ARNT2: variants seen among roughly 807,000 people sequenced by gnomAD.
The protein encoded by ARNT2 is aryl hydrocarbon receptor nuclear translocator 2, also known as ARNT protein 2.
In ARNT2, 36 loss-of-function variants were observed where a neutral mutation model predicts 91.7. The observed-to-expected ratio is 0.39, with a 90% CI of 0.30 to 0.52. ARNT2 has a LOEUF of 0.52. Ranked by LOEUF, ARNT2 falls within the 20% of genes least tolerant of loss-of-function variation. The probability of loss-of-function intolerance (pLI) is 0.72; values close to 1 mark genes in which losing one functional copy is unlikely to be tolerated. For missense variants in ARNT2, 775 were observed against 939.3 expected (o/e 0.83, Z 2.29); for synonymous variants, 365 against 347.1 (o/e 1.05, Z -0.57).
At chr15:80,407,319 T>C (rs370009044) in intron 1 of ARNT2, among the ~76,000 whole-genome samples, 5 of 152,344 alleles carry the variant, frequency 3.3e-5, no homozygotes, top group African/African-American at 1.2e-4. Flanking sequence ...GGGGATTCTC[T>C]AGGGTCTTGT....
At chr15:80,573,751 A>T (rs1410627316) in intron 12 of ARNT2, among the ~76,000 whole-genome samples, 1 of 152,218 alleles carries the variant, frequency 6.6e-6, no homozygotes, top group Non-Finnish European at 1.5e-5. Context: ...CCACTGTGAA[A>T]GCATAGTGTG....
At chr15:80,490,492 C>G (rs1897039881) in intron 5 of ARNT2, among the ~76,000 whole-genome samples, 1 of 152,258 alleles carries the variant, frequency 6.6e-6, no homozygotes, top group Admixed American at 6.5e-5. Flanking sequence ...GCAGTGTCTA[C>G]TGAAGCCCAC....
At chr15:80,548,998 A>G (rs1400314769) in intron 8 of ARNT2, among the ~76,000 whole-genome samples, 2 of 152,182 alleles carry the variant, frequency 1.3e-5, no homozygotes, top group African/African-American at 4.8e-5. Context: ...AAAACATACA[A>G]TAAAGCCTCT....
At chr15:80,440,205 C>A (rs542779743) in intron 1 of ARNT2, among the ~76,000 whole-genome samples, 1 of 152,148 alleles carries the variant, frequency 6.6e-6, no homozygotes, top group Non-Finnish European at 1.5e-5. Flanking sequence ...TGATGGTCTG[C>A]GGCTTCTAGG....
intron 3 of ARNT2, among the ~76,000 whole-genome samples, chr15:80,468,744 A>G (rs1271348296): frequency 2.0e-5 from 3 of 152,182 alleles, no homozygotes; most frequent in East Asian, 1.9e-4. Flanking sequence ...TGTATGTTTT[A>G]TATTCATAGT....
intron 12 of ARNT2, among the ~76,000 whole-genome samples, chr15:80,564,367 C>A (rs550051514): frequency 4.1e-4 from 62 of 152,242 alleles, no homozygotes; most frequent in African/African-American, 1.5e-3. Flanking sequence ...GTCTCTGAGC[C>A]CCTTGGATTT....
intron 1 of ARNT2, among the ~76,000 whole-genome samples, chr15:80,433,591 A>T (rs1595959950): frequency 6.6e-6 from 1 of 152,030 alleles, no homozygotes; most frequent in African/African-American, 2.4e-5. Context: ...GAGCCACCAC[A>T]CCCAGCCTAG....
chr15:80,587,467 T>C lies in ARNT2; in HGVS notation c.1919-4101T>C, dbSNP rs77059231. On this transcript the variant is annotated intron_variant, in intron 17 of 18. Coordinates refer to ENST00000303329, the MANE Select transcript of ARNT2 (RefSeq NM_014862.4). ...AACCACTGAGCTAAACCCAACTACATAGGACTTCCAAGCAGGACTTCAAGT... is the reference window on the plus strand; with the variant it reads ...AACCACTGAGCTAAACCCAACTACACAGGACTTCCAAGCAGGACTTCAAGT... Among the ~76,000 whole-genome samples the C allele has an allele frequency of 2.5e-3, 377 of 152,172 alleles. 3 individuals are homozygous for C. The highest frequency in any genetic ancestry group is 3.8e-3 in the Non-Finnish European group (258 of 68,012).
At chr15:80,516,347 C>T (rs1897434588) in intron 8 of ARNT2, among the ~76,000 whole-genome samples, 2 of 151,988 alleles carry the variant, frequency 1.3e-5, no homozygotes, top group East Asian at 1.9e-4. Context: ...TCTTTTTTTG[C>T]GTCACGTATT....
chr15:80,541,758 G>A (rs1186488710), intron 8 of ARNT2, among the ~76,000 whole-genome samples: 10 of 152,200 alleles, frequency 6.6e-5, no homozygotes, highest in South Asian at 2.1e-4. Flanking sequence ...AAAGACATCC[G>A]ATATCCAGAT....
chr15:80,443,407 C>T (rs760575414), intron 1 of ARNT2, among the ~76,000 whole-genome samples: 109 of 152,052 alleles, frequency 7.2e-4, no homozygotes, highest in Non-Finnish European at 1.3e-3. Context: ...ATGTGGCTTC[C>T]GAGTGTGGAA....
At chr15:80,451,756 A>G (rs1896396136) in intron 2 of ARNT2, among the ~76,000 whole-genome samples, 1 of 151,950 alleles carries the variant, frequency 6.6e-6, no homozygotes, top group African/African-American at 2.4e-5. Flanking sequence ...CAACCAACCA[A>G]CTACCCCCCA....
intron 8 of ARNT2, among the ~76,000 whole-genome samples, chr15:80,539,892 T>C (rs1286933536): frequency 6.6e-6 from 1 of 151,644 alleles, no homozygotes; most frequent in Non-Finnish European, 1.5e-5. Flanking sequence ...TAATAATAAA[T>C]GTTGGCAAGG....
chr15:80,507,396 T>C (rs74031304), intron 5 of ARNT2, among the ~76,000 whole-genome samples: 2,643 of 152,174 alleles, frequency 0.017, 81 homozygotes, highest in African/African-American at 0.06. Flanking sequence ...TCGGGGATAA[T>C]GTCTGGTTTC....
intron 1 of ARNT2, among the ~76,000 whole-genome samples, chr15:80,447,331 T>C (rs966677477): frequency 6.6e-6 from 1 of 152,188 alleles, no homozygotes; most frequent in Non-Finnish European, 1.5e-5. Flanking sequence ...TACTCATGAA[T>C]ACCCACAGCT....
intron 17 of ARNT2, among the ~76,000 whole-genome samples, chr15:80,588,323 C>G (rs73494773): frequency 0.042 from 6,362 of 152,152 alleles, 430 homozygotes; most frequent in African/African-American, 0.15. Context: ...TGTTTTGAGC[C>G]ACTGTCGTCT....
rs149218664 is a variant in ARNT2, at chr15:80,579,665, C to T, written c.1614-746C>T. ...CTGAAACAAAGTAAAAGTCTGCCCC[C>T]AGCCTTTTAGTCTTTGATGAGCTTC... On this transcript the variant is annotated intron_variant, in intron 15 of 18. Transcript: ENST00000303329. Among the ~76,000 whole-genome samples, 768 of 152,282 alleles carry T rather than the reference C, an allele frequency of 5.0e-3. 9 individuals carry two copies. The highest frequency in any genetic ancestry group is 0.017 in the African/African-American group (701 of 41,556).
intron 14 of ARNT2, among the ~76,000 whole-genome samples, chr15:80,576,230 C>T (rs7359229): frequency 0.016 from 2,409 of 152,220 alleles, 69 homozygotes; most frequent in African/African-American, 0.054. Context: ...ATCCCTACAC[C>T]GCAGGGTTGG....
intron 1 of ARNT2, among the ~76,000 whole-genome samples, chr15:80,439,978 A>T (rs181003702): frequency 1.4e-3 from 217 of 152,312 alleles, no homozygotes; most frequent in Non-Finnish European, 2.6e-3. Context: ...CTCTTCCACC[A>T]GCAACCCATG....
Sources: allele counts gnomAD v4.1 joint callset (sites outside exome capture counted in the v4.1 genomes callset), GRCh38; gene constraint gnomAD v4.1.1; transcripts MANE v1.5; gene names NCBI Gene and HGNC (gene_info 2026-07-23, HGNC 2026-07-21).